IL1RAPL1: variants seen among roughly 807,000 people sequenced by gnomAD.
IL1RAPL1 encodes the protein interleukin-1 receptor accessory protein-like 1.
In IL1RAPL1, 3 loss-of-function variants were observed where a neutral mutation model predicts 48.4. The observed-to-expected ratio is 0.06, with a 90% CI of 0.03 to 0.16. The LOEUF (loss-of-function observed/expected upper bound fraction) is 0.16, where lower values mean the gene tolerates loss of function less well. Ranked by LOEUF, IL1RAPL1 falls within the 10% of genes least tolerant of loss-of-function variation. IL1RAPL1 has a pLI of 1.00. For missense variants in IL1RAPL1, 349 were observed against 530.6 expected (o/e 0.66, Z 3.36); for synonymous variants, 185 against 187.7 (o/e 0.99, Z 0.12).
At chrX:28,610,616 T>C (rs1023718831) in intron 1 of IL1RAPL1, among the ~76,000 whole-genome samples, 2 of 111,969 alleles carry the variant, frequency 1.8e-5, no homozygotes, top group African/African-American at 6.5e-5. Context: ...CACCAATATT[T>C]TTTTACCTTA....
chrX:29,925,220 C>A (rs1005163940), intron 8 of IL1RAPL1, among the ~76,000 whole-genome samples: 1 of 109,953 alleles, frequency 9.1e-6, no homozygotes, highest in Admixed American at 9.8e-5. Context: ...AGACAATGAC[C>A]CATTAAAAGC....
intron 5 of IL1RAPL1, among the ~76,000 whole-genome samples, chrX:29,463,326 A>C (rs888068523): frequency 1.3e-4 from 15 of 111,863 alleles, no homozygotes; most frequent in Non-Finnish European, 2.1e-4. Flanking sequence ...GAATTCCAGA[A>C]AAGAAATGAC....
intron 6 of IL1RAPL1, among the ~76,000 whole-genome samples, chrX:29,755,496 A>G (rs1928589217): frequency 8.9e-6 from 1 of 111,770 alleles, no homozygotes; most frequent in Non-Finnish European, 1.9e-5. Context: ...TCCTTTCTTC[A>G]TACTCCCAGT....
At chrX:28,736,383 G>A (rs1455743264) in intron 1 of IL1RAPL1, among the ~76,000 whole-genome samples, 2 of 108,131 alleles carry the variant, frequency 1.8e-5, no homozygotes, top group South Asian at 4.2e-4. Flanking sequence ...GCAGTGAGCC[G>A]AGGTTGTGCC....
chrX:29,215,361 T>A (rs552201666), intron 2 of IL1RAPL1, among the ~76,000 whole-genome samples: 6 of 109,785 alleles, frequency 5.5e-5, no homozygotes, highest in African/African-American at 2.0e-4. Context: ...AAAAAAAGAT[T>A]GTTTATCTTC....
chrX:28,629,873 G>T (rs758351941), intron 1 of IL1RAPL1, among the ~76,000 whole-genome samples: 2 of 111,952 alleles, frequency 1.8e-5, no homozygotes, highest in Non-Finnish European at 1.9e-5. Flanking sequence ...GGCGAAAAGT[G>T]CTTCCTTTGC....
chrX:29,785,810 A>C lies in IL1RAPL1; in HGVS notation c.778+117306A>C, dbSNP rs1929482183. ...ACAAAAAGGCCAGACATAGAAGTAC[A>C]TACACATTAATATGAAGACCAAGCT... On this transcript the variant is annotated intron_variant, in intron 6 of 10. Transcript: ENST00000378993. Among the ~76,000 whole-genome samples, 3 of 111,456 alleles carry C rather than the reference A, an allele frequency of 2.7e-5. No individual in the cohort carries two copies. The South Asian group carries it at 1.1e-3, about 42-fold the overall frequency.
At chrX:29,792,465 TTTTA>T (rs1411676819) in intron 6 of IL1RAPL1, among the ~76,000 whole-genome samples, 1 of 112,283 alleles carries the variant, frequency 8.9e-6, no homozygotes, top group Admixed American at 9.5e-5. Flanking sequence ...CTCATTAGAA[TTTTA>T]TTTAAGTTTT....
chrX:28,701,017 C>T (rs908422800), intron 1 of IL1RAPL1, among the ~76,000 whole-genome samples: 2 of 111,433 alleles, frequency 1.8e-5, no homozygotes, highest in African/African-American at 3.3e-5. Context: ...TAAACATATG[C>T]GTGCATGTGT....
intron 1 of IL1RAPL1, among the ~76,000 whole-genome samples, chrX:28,634,389 G>GTATATACGTATACACGTATGTATACA (rs1934438606): frequency 9.3e-6 from 1 of 108,011 alleles, no homozygotes; most frequent in Non-Finnish European, 1.9e-5. Flanking sequence ...GTATGTACAC[G>GTATATACGTATACACGTATGTATACA]TATATACGTA....
chrX:29,880,387 CTG>C (rs1330848957), intron 6 of IL1RAPL1, among the ~76,000 whole-genome samples: 25 of 111,974 alleles, frequency 2.2e-4, no homozygotes, highest in African/African-American at 7.4e-4. Flanking sequence ...AAGTTTCTTT[CTG>C]TGTTTTGCAC....
At chrX:29,574,958 TTCC>T (rs1360237710) in intron 5 of IL1RAPL1, among the ~76,000 whole-genome samples, 4 of 111,634 alleles carry the variant, frequency 3.6e-5, no homozygotes, top group Non-Finnish European at 7.5e-5. Flanking sequence ...TCCCAATAAG[TTCC>T]TCATCTTCAT....
chrX:29,359,956 A>G (rs1933355097), intron 3 of IL1RAPL1, among the ~76,000 whole-genome samples: 1 of 111,044 alleles, frequency 9.0e-6, no homozygotes, highest in Admixed American at 9.6e-5. Context: ...TCCCTCAAGT[A>G]CCAGAGCCAA....
chrX:29,362,236 A>G (rs1407767720), intron 3 of IL1RAPL1, among the ~76,000 whole-genome samples: 2 of 112,497 alleles, frequency 1.8e-5, no homozygotes, highest in African/African-American at 6.5e-5. Context: ...TTAATGTACT[A>G]GATTGTAAGA....
chrX:29,289,950 T>G (rs1205957390), intron 3 of IL1RAPL1, among the ~76,000 whole-genome samples: 1 of 112,134 alleles, frequency 8.9e-6, no homozygotes, highest in Non-Finnish European at 1.9e-5. Context: ...TAATGTGTTA[T>G]ATCTAGCATG....
chrX:29,434,677 T>A (rs1374890063), intron 5 of IL1RAPL1, among the ~76,000 whole-genome samples: 1 of 111,126 alleles, frequency 9.0e-6, no homozygotes, highest in African/African-American at 3.2e-5. Flanking sequence ...TGCTTTAGAT[T>A]TGGGGACTTT....
chrX:29,007,035 A>ATT (rs2147392109), intron 2 of IL1RAPL1, among the ~76,000 whole-genome samples: 1 of 111,607 alleles, frequency 9.0e-6, no homozygotes, highest in African/African-American at 3.2e-5. Context: ...TTACTAAAGA[A>ATT]TTATACTCTA....
At chrX:29,067,667 C>G (rs954679986) in intron 2 of IL1RAPL1, among the ~76,000 whole-genome samples, 3 of 111,546 alleles carry the variant, frequency 2.7e-5, no homozygotes, top group Non-Finnish European at 5.6e-5. Flanking sequence ...GTATTTTAAT[C>G]CTGGCTTCAT....
intron 2 of IL1RAPL1, among the ~76,000 whole-genome samples, chrX:29,151,325 C>T (rs1483669250): frequency 8.9e-6 from 1 of 112,042 alleles, no homozygotes; most frequent in Non-Finnish European, 1.9e-5. Flanking sequence ...ATCTGTTTCA[C>T]TTTCAAAATG....
Sources: allele counts gnomAD v4.1 joint callset (sites outside exome capture counted in the v4.1 genomes callset), GRCh38; gene constraint gnomAD v4.1.1; transcripts MANE v1.5; gene names NCBI Gene and HGNC (gene_info 2026-07-23, HGNC 2026-07-21).